The following SCYL3 variants were observed in gnomAD, a reference collection of about 807,000 sequenced individuals.
The protein encoded by SCYL3 is protein-associating with the carboxyl-terminal domain of ezrin.
A neutral mutation model predicts 73.8 loss-of-function variants in SCYL3; 35 were observed. The ratio of observed to expected loss-of-function variants is 0.47; its 90% CI spans 0.36 to 0.63. The LOEUF (loss-of-function observed/expected upper bound fraction) is 0.63, where lower values mean the gene tolerates loss of function less well. SCYL3 is among the 20% of genes least tolerant of loss of function. The probability of loss-of-function intolerance (pLI) is 0.00; values close to 1 mark genes in which losing one functional copy is unlikely to be tolerated. For missense variants in SCYL3, 712 were observed against 798.9 expected, an observed-to-expected ratio of 0.89 and a Z score of 1.31; for synonymous variants, 277 against 295.2, an observed-to-expected ratio of 0.94 and a Z score of 0.63.
intron 5 of SCYL3, 63 bp downstream of exon 5, chr1:169,873,633 T>G (rs964191902): frequency 4.2e-6 from 5 of 1,181,620 alleles, no homozygotes; most frequent in Non-Finnish European, 6.1e-6. Flanking sequence ...AGGAAAGTTT[T>G]TTAAAATTTC....
At chr1:169,885,351 T>TA (rs1415302441) in intron 2 of SCYL3, among the ~76,000 whole-genome samples, 2 of 152,198 alleles carry the variant, frequency 1.3e-5, no homozygotes, top group Non-Finnish European at 2.9e-5. Context: ...CTCAGAGGCT[T>TA]AACTTTTTAT....
At chr1:169,885,975 A>G (rs757549503) in intron 2 of SCYL3, among the ~76,000 whole-genome samples, 1 of 152,170 alleles carries the variant, frequency 6.6e-6, no homozygotes, top group Non-Finnish European at 1.5e-5. Flanking sequence ...GCCACGTAAG[A>G]GCACTGGATT....
intron 2 of SCYL3, among the ~76,000 whole-genome samples, chr1:169,883,384 C>T (rs1037471478): frequency 5.3e-5 from 8 of 152,114 alleles, no homozygotes; most frequent in South Asian, 2.1e-4. Flanking sequence ...GTTGGGGACA[C>T]CTGACTTAAC....
intron 5 of SCYL3, among the ~76,000 whole-genome samples, chr1:169,870,735 C>G (rs1660333028): frequency 6.6e-6 from 1 of 151,374 alleles, no homozygotes; most frequent in African/African-American, 2.4e-5. Context: ...CTAAGATGCC[C>G]AAAGACATGT....
chr1:169,872,760 C>G (rs977231539), intron 5 of SCYL3, among the ~76,000 whole-genome samples: 3 of 152,192 alleles, frequency 2.0e-5, no homozygotes, highest in African/African-American at 7.2e-5. Flanking sequence ...CAAAGGAGAT[C>G]ATTTTGGAGC....
At chr1:169,869,148 C>G in intron 6 of SCYL3, 109 bp from the exon 7 acceptor site, 1 of 786,704 alleles carries the variant, frequency 1.3e-6, no homozygotes, top group Non-Finnish European at 2.1e-6. Flanking sequence ...CCCAAACAAA[C>G]AAAGCCCTGG....
intron 2 of SCYL3, among the ~76,000 whole-genome samples, chr1:169,883,472 A>G (rs4656201): frequency 0.13 from 19,280 of 152,194 alleles, 1,440 homozygotes; most frequent in Admixed American, 0.2. Context: ...GCCCTGTCCA[A>G]TCAGATTGGG....
intron 9 of SCYL3, among the ~76,000 whole-genome samples, chr1:169,864,003 T>C (rs1659849291): frequency 2.7e-5 from 4 of 147,548 alleles, no homozygotes; most frequent in Admixed American, 6.9e-5. Context: ...TGCTTTTCAC[T>C]GAAAATAGAA....
rs1332769233 is a variant in SCYL3, at chr1:169,868,967, C to T, written c.698G>A (p.Arg233Gln). ...STLLNPIPKC[R>Q]PALCTLLSHD... ...AGATAGTAAGGTGCAGAGCGCTGGC[C>T]GACATTTTGGAATGGGATTCAGCAA... The change falls in exon 7 of 13, where the codon CGG becomes CAG. Residue 233 changes from arginine to glutamine, a missense_variant. Coordinates refer to ENST00000367771, the MANE Select transcript of SCYL3 (RefSeq NM_020423.7). 2 of 1,614,042 alleles carry T rather than the reference C, an allele frequency of 1.2e-6. No individual in the cohort carries two copies. Among genetic ancestry groups the T allele is most frequent in the Non-Finnish European group, 1.7e-6 (2 of 1,180,000 alleles).
intron 5 of SCYL3, among the ~76,000 whole-genome samples, chr1:169,873,238 T>TA (rs1660552559): frequency 6.6e-6 from 1 of 152,202 alleles, no homozygotes; most frequent in South Asian, 2.1e-4. Flanking sequence ...GATGGTTTTA[T>TA]AAAAGGGAAT....
intron 2 of SCYL3, among the ~76,000 whole-genome samples, chr1:169,879,489 C>T (rs1661091856): frequency 6.6e-6 from 1 of 152,204 alleles, no homozygotes; most frequent in Admixed American, 6.5e-5. Context: ...GAGAAACAGA[C>T]AGGTTGCAAA....
chr1:169,886,331 G>A (rs1365921487), intron 2 of SCYL3, among the ~76,000 whole-genome samples: 1 of 152,092 alleles, frequency 6.6e-6, no homozygotes, highest in Non-Finnish European at 1.5e-5. Flanking sequence ...GTCAGTATGA[G>A]AGAGGAGAAC....
At chr1:169,872,791 C>A (rs1660504580) in intron 5 of SCYL3, among the ~76,000 whole-genome samples, 1 of 152,320 alleles carries the variant, frequency 6.6e-6, no homozygotes, top group Non-Finnish European at 1.5e-5. Context: ...GACTGCCTCA[C>A]TGGATTTCAC....
At chr1:169,862,562 C>T in intron 10 of SCYL3, 51 bp downstream of exon 10, 1 of 1,588,758 alleles carries the variant, frequency 6.3e-7, no homozygotes, top group Non-Finnish European at 8.6e-7. Context: ...TTTCTTTCAG[C>T]ACTCTTCCCT....
chr1:169,854,963 G>T lies in SCYL3; in HGVS notation c.1314C>A (p.Gly438=). 6.3e-7 allele frequency: 1 copy of T among 1,582,652 alleles called. No homozygotes were observed. The highest frequency in any genetic ancestry group is 8.6e-7 in the Non-Finnish European group (1 of 1,161,888). The change falls in exon 12 of 13, where the codon GGC becomes GGA. Residue 438 remains glycine (G), a splice_region_variant and synonymous_variant. Coordinates refer to ENST00000367771, the MANE Select transcript of SCYL3 (RefSeq NM_020423.7). The stretch of plus-strand genomic sequence containing the variant: ...ATTTAATAGGCTGAGAAAATGGATC[G>T]CCTGTAGGGAAAATAATTATTCTCA... ...FTKNTDLSLE[G]DPFSQPIKFP... is the part of the protein sequence containing the mutation.
At chr1:169,878,960 T>A (rs1661055091) in intron 2 of SCYL3, 141 bp from the exon 3 acceptor site, 2 of 645,036 alleles carry the variant, frequency 3.1e-6, no homozygotes, top group East Asian at 5.5e-5. Context: ...CTACCCACTA[T>A]ATTTCACATA....
At chr1:169,867,286 C>T (rs79858200) in intron 7 of SCYL3, among the ~76,000 whole-genome samples, 4,294 of 152,282 alleles carry the variant, frequency 0.028, 100 homozygotes, top group Non-Finnish European at 0.045. Flanking sequence ...ATGAAGTATC[C>T]TGGGAGAAAT....
At chr1:169,879,514 A>G (rs1050687547) in intron 2 of SCYL3, among the ~76,000 whole-genome samples, 3 of 152,238 alleles carry the variant, frequency 2.0e-5, no homozygotes, top group Admixed American at 2.0e-4. Context: ...ATTCACAGGA[A>G]GAGTAAGAGG....
chr1:169,867,282 T>C (rs534674283), intron 7 of SCYL3, among the ~76,000 whole-genome samples: 1 of 152,380 alleles, frequency 6.6e-6, no homozygotes, highest in Non-Finnish European at 1.5e-5. Context: ...TTAAATGAAG[T>C]ATCCTGGGAG....
Sources: gnomAD v4.1 joint callset for allele counts (sites outside exome capture counted in the v4.1 genomes callset) on GRCh38, gnomAD v4.1.1 for gene constraint, MANE v1.5 for transcripts, NCBI Gene and HGNC (gene_info 2026-07-23, HGNC 2026-07-21) for gene names.